NKAIN2: variants seen among roughly 807,000 people sequenced by gnomAD.
NKAIN2 encodes the protein sodium/potassium-transporting ATPase subunit beta-1-interacting protein 2.
NKAIN2 carries 14 observed loss-of-function variants against 32.6 expected under a neutral mutation model. That is an observed-to-expected ratio of 0.43 (90% CI 0.28 to 0.67). The LOEUF is 0.67. NKAIN2 is among the 30% of genes least tolerant of loss of function. NKAIN2 has a pLI of 0.17. For synonymous variants in NKAIN2, 80 were observed against 87.2 expected (o/e 0.92, Z 0.46); for missense variants, 198 against 258.3 (o/e 0.77, Z 1.60).
At chr6:124,371,994 A>G (rs1298568934) in intron 3 of NKAIN2, among the ~76,000 whole-genome samples, 1 of 152,118 alleles carries the variant, frequency 6.6e-6, no homozygotes, top group African/African-American at 2.4e-5. Context: ...CACAAACCCT[A>G]GTATTTTCTC....
At chr6:124,194,314 A>G (rs1790194368) in intron 1 of NKAIN2, among the ~76,000 whole-genome samples, 1 of 151,744 alleles carries the variant, frequency 6.6e-6, no homozygotes, top group South Asian at 2.1e-4. Context: ...ATGTAGCCAT[A>G]CCATTTTTTT....
chr6:124,101,152 T>C (rs1299559268), intron 1 of NKAIN2, among the ~76,000 whole-genome samples: 1 of 152,122 alleles, frequency 6.6e-6, no homozygotes, highest in East Asian at 1.9e-4. Flanking sequence ...AGAGGACTGG[T>C]CTATTAAGAT....
At chr6:124,434,453 A>AC (rs1775351663) in intron 3 of NKAIN2, among the ~76,000 whole-genome samples, 1 of 152,090 alleles carries the variant, frequency 6.6e-6, no homozygotes, top group Non-Finnish European at 1.5e-5. Context: ...TTTCGAATGC[A>AC]CCGTATCTAT....
At chr6:124,787,281 C>G (rs1779549639) in intron 4 of NKAIN2, among the ~76,000 whole-genome samples, 1 of 152,062 alleles carries the variant, frequency 6.6e-6, no homozygotes, top group South Asian at 2.1e-4. Flanking sequence ...ACAAGTTTAC[C>G]TGTATAACAA....
At chr6:124,362,992 A>C (rs866610332) in intron 3 of NKAIN2, among the ~76,000 whole-genome samples, 60 of 152,054 alleles carry the variant, frequency 3.9e-4, no homozygotes, top group African/African-American at 1.4e-3. Flanking sequence ...GTGCCACCAC[A>C]CTAGGCTAAT....
intron 1 of NKAIN2, among the ~76,000 whole-genome samples, chr6:123,997,150 G>A (rs527520282): frequency 6.6e-6 from 1 of 152,232 alleles, no homozygotes; most frequent in South Asian, 2.1e-4. Flanking sequence ...AGATAAAGGT[G>A]TTAAGAAATT....
At chr6:123,962,419 A>G (rs930276028) in intron 1 of NKAIN2, among the ~76,000 whole-genome samples, 3 of 152,152 alleles carry the variant, frequency 2.0e-5, no homozygotes, top group Non-Finnish European at 4.4e-5. Flanking sequence ...TTGCAGAGCT[A>G]TTTAAGAATC....
At chr6:124,236,623 C>T (rs917985104) in intron 1 of NKAIN2, among the ~76,000 whole-genome samples, 6 of 152,162 alleles carry the variant, frequency 3.9e-5, no homozygotes, top group Non-Finnish European at 8.8e-5. Flanking sequence ...AATCTGAATG[C>T]TCAGAGTGAT....
At chr6:124,338,679 A>G (rs1046197812) in intron 2 of NKAIN2, among the ~76,000 whole-genome samples, 8 of 152,196 alleles carry the variant, frequency 5.3e-5, no homozygotes, top group Admixed American at 1.3e-4. Context: ...GAATGTTGGA[A>G]ATACACTGAG....
intron 4 of NKAIN2, among the ~76,000 whole-genome samples, chr6:124,748,582 G>A (rs947641762): frequency 3.3e-5 from 5 of 151,922 alleles, no homozygotes; most frequent in Admixed American, 6.6e-5. Flanking sequence ...AAGAGTATCA[G>A]TGCCAATCAC....
At chr6:124,185,776 T>C (rs536914245) in intron 1 of NKAIN2, among the ~76,000 whole-genome samples, 2 of 152,114 alleles carry the variant, frequency 1.3e-5, no homozygotes, top group East Asian at 1.9e-4. Context: ...GTTTATTGAC[T>C]CTCCTTTTTG....
chr6:124,617,441 G>C (rs1027015022), intron 3 of NKAIN2, among the ~76,000 whole-genome samples: 1 of 152,122 alleles, frequency 6.6e-6, no homozygotes, highest in Non-Finnish European at 1.5e-5. Flanking sequence ...TCTGCTTGAT[G>C]AATTTCTAAA....
At chr6:123,998,141 A>G (rs1461356925) in intron 1 of NKAIN2, among the ~76,000 whole-genome samples, 2 of 152,138 alleles carry the variant, frequency 1.3e-5, no homozygotes, top group Non-Finnish European at 2.9e-5. Context: ...TAATGTAACA[A>G]AGATAGATGT....
At chr6:124,045,927 A>G (rs1782100381) in intron 1 of NKAIN2, among the ~76,000 whole-genome samples, 1 of 152,024 alleles carries the variant, frequency 6.6e-6, no homozygotes, top group Admixed American at 6.6e-5. Flanking sequence ...TGATTTAAGA[A>G]TTGGGTCTGT....
chr6:124,706,182 A>G (rs980450772), intron 4 of NKAIN2, among the ~76,000 whole-genome samples: 1 of 152,130 alleles, frequency 6.6e-6, no homozygotes, highest in Admixed American at 6.6e-5. Flanking sequence ...TTGAATGATA[A>G]TTAATAATAA....
chr6:124,717,176 TA>T (rs1334199446), intron 4 of NKAIN2, among the ~76,000 whole-genome samples: 2 of 152,224 alleles, frequency 1.3e-5, no homozygotes, highest in African/African-American at 4.8e-5. Flanking sequence ...AATGGGATTT[TA>T]AAAAATTGGA....
chr6:124,733,179 G>A (rs1776771309), intron 4 of NKAIN2, among the ~76,000 whole-genome samples: 1 of 151,852 alleles, frequency 6.6e-6, no homozygotes, highest in Non-Finnish European at 1.5e-5. Flanking sequence ...AGGTTGAGTA[G>A]GGAAATTACA....
chr6:124,554,343 T>C (rs1276052904), intron 3 of NKAIN2, among the ~76,000 whole-genome samples: 2 of 152,242 alleles, frequency 1.3e-5, no homozygotes, highest in Non-Finnish European at 2.9e-5. Context: ...TGAAATGTTT[T>C]TAAGCCAAAA....
At chr6:124,234,965 T>C (rs930994873) in intron 1 of NKAIN2, among the ~76,000 whole-genome samples, 1 of 152,118 alleles carries the variant, frequency 6.6e-6, no homozygotes, top group South Asian at 2.1e-4. Context: ...CTTAATAAGG[T>C]ATAGTTGTAA....
Sources: gnomAD v4.1 joint callset for allele counts (sites outside exome capture counted in the v4.1 genomes callset) on GRCh38, gnomAD v4.1.1 for gene constraint, MANE v1.5 for transcripts, NCBI Gene and HGNC (gene_info 2026-07-23, HGNC 2026-07-21) for gene names.